The following EHD4 variants were observed in gnomAD, a reference collection of about 807,000 sequenced individuals.
EHD4 encodes EH domain-containing protein 4.
A neutral mutation model predicts 51.0 loss-of-function variants in EHD4; 37 were observed. That is an observed-to-expected ratio of 0.73 (90% CI 0.56 to 0.95). EHD4 has a LOEUF of 0.95. EHD4 is among the 40% of genes least tolerant of loss of function. The pLI, the probability that EHD4 is intolerant of heterozygous loss-of-function variation, is 0.00. For missense variants in EHD4, 632 were observed against 733.1 expected, an observed-to-expected ratio of 0.86 and a Z score of 1.59; for synonymous variants, 297 against 317.3, an observed-to-expected ratio of 0.94 and a Z score of 0.68.
intron 2 of EHD4, among the ~76,000 whole-genome samples, chr15:41,951,354 G>A (rs915478544): frequency 1.3e-5 from 2 of 152,122 alleles, no homozygotes; most frequent in African/African-American, 4.8e-5. Flanking sequence ...TATAAGGCAT[G>A]GATTATTTTC....
rs1199360260 is a variant in EHD4 at position 41,953,484 on chromosome 15, T to C, written c.413+280A>G. Among the ~76,000 whole-genome samples the C allele has an allele frequency of 2.6e-5, 4 of 152,116 alleles. No individual in the cohort carries two copies. In the East Asian group the frequency reaches 7.7e-4, roughly 29 times the overall value. On this transcript the variant is annotated intron_variant, in intron 2 of 5. Coordinates refer to ENST00000220325, the MANE Select transcript of EHD4 (RefSeq NM_139265.4). Reference sequence around the variant, plus strand: ...ATCCTTTTGCCTCAGCCTCCCAAAGTGCTGGATTACAAGCACGAGCCACAC... The same window carrying C: ...ATCCTTTTGCCTCAGCCTCCCAAAGCGCTGGATTACAAGCACGAGCCACAC...
chr15:41,926,108 G>A (rs2067659035), intron 3 of EHD4: 1 of 152,240 alleles, frequency 6.6e-6, no homozygotes, highest in Admixed American at 6.5e-5. Context: ...TGTAATCCCA[G>A]CACTTTGGGA....
At chr15:41,969,798 C>A (rs1372868087) in intron 1 of EHD4, among the ~76,000 whole-genome samples, 2 of 152,152 alleles carry the variant, frequency 1.3e-5, no homozygotes, top group Non-Finnish European at 2.9e-5. Context: ...TTCTTTATTG[C>A]CAGTCAAAGG....
chr15:41,956,361 G>C (rs947881523), intron 1 of EHD4, among the ~76,000 whole-genome samples: 1 of 152,282 alleles, frequency 6.6e-6, no homozygotes, highest in African/African-American at 2.4e-5. Context: ...GTGAGCATAC[G>C]GATATCGTAG....
At chr15:41,942,497 G>A (rs1244786082) in intron 3 of EHD4, 4 of 152,462 alleles carry the variant, frequency 2.6e-5, no homozygotes, top group Non-Finnish European at 5.9e-5. Flanking sequence ...CACCTGCCTC[G>A]GCCTCCTAAA....
intron 3 of EHD4, among the ~76,000 whole-genome samples, chr15:41,932,549 AG>A (rs1167466301): frequency 3.9e-5 from 6 of 152,226 alleles, no homozygotes; most frequent in Admixed American, 2.0e-4. Flanking sequence ...CTAAGATTAC[AG>A]GTGAATGGAG....
intron 4 of EHD4, among the ~76,000 whole-genome samples, chr15:41,917,244 C>T (rs1271758821): frequency 1.3e-5 from 2 of 152,098 alleles, no homozygotes; most frequent in African/African-American, 4.8e-5. Context: ...CCTCAGCCTC[C>T]TGAGTAGCTG....
chr15:41,934,309 GTT>G (rs145906559), intron 3 of EHD4, among the ~76,000 whole-genome samples: 62,212 of 140,142 alleles, frequency 0.44, 14,445 homozygotes, highest in East Asian at 0.56. Flanking sequence ...GTGCCAGGAA[GTT>G]TTTTTTTTTT....
chr15:41,916,236 G>T (rs1258489716), intron 4 of EHD4, among the ~76,000 whole-genome samples: 1 of 152,202 alleles, frequency 6.6e-6, no homozygotes, highest in Non-Finnish European at 1.5e-5. Flanking sequence ...ACAGATCAGT[G>T]CAGAAAACAA....
At chr15:41,956,254 G>T (rs964808816) in intron 1 of EHD4, among the ~76,000 whole-genome samples, 1 of 152,182 alleles carries the variant, frequency 6.6e-6, no homozygotes, top group African/African-American at 2.4e-5. Flanking sequence ...GCTCGGTGTG[G>T]AGCTCCACCT....
intron 1 of EHD4, among the ~76,000 whole-genome samples, chr15:41,966,062 C>A (rs2067960072): frequency 6.6e-6 from 1 of 151,962 alleles, no homozygotes; most frequent in South Asian, 2.1e-4. Context: ...GAGATGCCAG[C>A]TGCTCCCTCT....
At chr15:41,915,136 G>A (rs2067575546) in intron 4 of EHD4, among the ~76,000 whole-genome samples, 1 of 152,096 alleles carries the variant, frequency 6.6e-6, no homozygotes, top group Non-Finnish European at 1.5e-5. Context: ...TGAGATCTGT[G>A]TCAGAGTGTA....
At chr15:41,938,115 T>C (rs1302127100) in intron 3 of EHD4, among the ~76,000 whole-genome samples, 2 of 152,220 alleles carry the variant, frequency 1.3e-5, no homozygotes, top group Non-Finnish European at 2.9e-5. Flanking sequence ...AGGTCAGGTG[T>C]AGAATTTTCC....
At chr15:41,918,647 C>T (rs900713248) in intron 4 of EHD4, among the ~76,000 whole-genome samples, 7 of 152,080 alleles carry the variant, frequency 4.6e-5, no homozygotes, top group African/African-American at 1.4e-4. Flanking sequence ...GCTAACAGCC[C>T]GCAGCCCAGA....
chr15:41,940,101 G>A (rs2067759104), intron 3 of EHD4, among the ~76,000 whole-genome samples: 1 of 152,142 alleles, frequency 6.6e-6, no homozygotes, highest in Non-Finnish European at 1.5e-5. Context: ...TTATAGGCGT[G>A]AGCCACCGCG....
Position 41,900,142 on chromosome 15 carries a change from T to C in EHD4, c.*503A>G, listed in dbSNP as rs918893183. ...CAGTCTGGAGACAGCAGAAACCCTC[T>C]GCTCTATTTTTTTGCCACTCTAAAT... On this transcript the variant is annotated 3_prime_UTR_variant, in exon 6 of 6. Coordinates refer to ENST00000220325, the MANE Select transcript of EHD4 (RefSeq NM_139265.4). The surrounding 1 kb of genome is among the most constrained non-coding windows in gnomAD (Gnocchi z 4.8). 4 of 154,332 alleles carry C rather than the reference T, an allele frequency of 2.6e-5. No homozygotes were observed. The highest frequency in any genetic ancestry group is 9.6e-5 in the African/African-American group (4 of 41,586). The allele number at this position is 154,332 out of a possible 1,614,324, so 9.6% of individuals were successfully genotyped here.
rs117884001 is a variant in EHD4, at chr15:41,950,928, G to A, written c.413+2836C>T. Among the ~76,000 whole-genome samples the A allele has an allele frequency of 7.7e-4, 118 of 152,320 alleles. 2 individuals are homozygous for A. In the East Asian group the frequency reaches 0.02, roughly 26 times the overall value. ...AAAAGAATAATGTACATGAAATTAC[G>A]TAAGTGATGACTTGGGACATAATCA... On this transcript the variant is annotated intron_variant, in intron 2 of 5. Coordinates refer to ENST00000220325, the MANE Select transcript of EHD4 (RefSeq NM_139265.4).
At chr15:41,934,150 C>T (rs956046504) in intron 3 of EHD4, among the ~76,000 whole-genome samples, 30 of 152,102 alleles carry the variant, frequency 2.0e-4, no homozygotes, top group African/African-American at 7.0e-4. Flanking sequence ...TTTGCCAGCC[C>T]CTTCTTTCAC....
intron 1 of EHD4, among the ~76,000 whole-genome samples, chr15:41,968,807 C>G (rs1004358480): frequency 7.9e-5 from 12 of 152,128 alleles, no homozygotes; most frequent in Non-Finnish European, 1.3e-4. Context: ...AATTCATATA[C>G]CAGAAAATTT....
Sources: gnomAD v4.1 joint callset for allele counts (sites outside exome capture counted in the v4.1 genomes callset) on GRCh38, gnomAD v4.1.1 for gene constraint, Gnocchi (gnomAD v3.1) non-coding constraint, MANE v1.5 for transcripts, NCBI Gene and HGNC (gene_info 2026-07-23, HGNC 2026-07-21) for gene names.